The following CAPN11 variants were observed in gnomAD, a reference collection of about 807,000 sequenced individuals.
CAPN11 encodes calpain 11.
A neutral mutation model predicts 105.3 loss-of-function variants in CAPN11; 108 were observed. The observed-to-expected ratio is 1.03, with a 90% CI of 0.88 to 1.20. The LOEUF is 1.20. Ranked by LOEUF, CAPN11 falls within the 50% of genes most tolerant of loss-of-function variation. The probability of loss-of-function intolerance (pLI) is 0.00; values close to 1 mark genes in which losing one functional copy is unlikely to be tolerated. For missense variants in CAPN11, 883 were observed against 924.8 expected (o/e 0.95, Z 0.59); for synonymous variants, 329 against 344.5 (o/e 0.96, Z 0.50).
intron 19 of CAPN11, among the ~76,000 whole-genome samples, chr6:44,182,294 C>T: frequency 7.5e-6 from 1 of 133,802 alleles, no homozygotes; most frequent in African/African-American, 3.5e-5. Flanking sequence ...ACCACACACA[C>T]ACACACACAC....
At chr6:44,172,173 T>C in intron 4 of CAPN11, 129 bp from the exon 5 acceptor site, 1 of 570,556 alleles carries the variant, frequency 1.8e-6, no homozygotes, top group South Asian at 2.3e-5. Context: ...TGAGGGAGGG[T>C]GCCTCTCCGC....
chr6:44,184,040 T>G lies in CAPN11; in HGVS notation c.*108T>G. 6.3e-6 allele frequency: 8 copies of G among 1,269,872 alleles called. No homozygotes were observed. The South Asian group carries it at 6.6e-5, about 10-fold the overall frequency. 78.7% of individuals were successfully genotyped at this position (1,269,872 alleles called of 1,614,324 possible). A position where few individuals can be genotyped will look rare whatever the true frequency, so the allele number is the denominator to read the frequency against. ...CCCTCAGCTCTCCGGTCTCTGCTGA[T>G]GAAATGGGCTCCAGGTGGCAGTGCC... On this transcript the variant is annotated 3_prime_UTR_variant, in exon 23 of 23. Coordinates refer to ENST00000398776, the MANE Select transcript of CAPN11 (RefSeq NM_007058.4).
intron 21 of CAPN11, 50 bp downstream of exon 21, chr6:44,183,285 C>A: frequency 1.6e-6 from 2 of 1,234,552 alleles, no homozygotes; most frequent in Non-Finnish European, 2.4e-6. Context: ...GGCCGCGGGC[C>A]CTTTCCCAAA....
chr6:44,176,789 T>G (rs535202695), intron 10 of CAPN11, 49 bp from the exon 11 acceptor site: 396 of 1,606,726 alleles, frequency 2.5e-4, no homozygotes, highest in Non-Finnish European at 3.2e-4. Flanking sequence ...GAGAGGGAAC[T>G]GAGGATGCAA....
rs1302237536 is a variant in CAPN11, at chr6:44,169,486, C to A, written c.294C>A (p.Gly98=). ...GCTCACTGGGCTTCAAGGACCTGGG[C>A]CCCAACTCCAAAAATGTGCAGAACA... ...EPSSLGFKDL[G]PNSKNVQNIS... is the part of the protein sequence containing the mutation. Residue 98 remains glycine, a synonymous_variant, in exon 3 of 23, where the codon GGC becomes GGA. Transcript: ENST00000398776. 2.5e-6 allele frequency: 4 copies of A among 1,605,280 alleles called. No individual in the cohort carries two copies. Among genetic ancestry groups the A allele is most frequent in the Non-Finnish European group, 2.6e-6 (3 of 1,176,152 alleles).
intron 1 of CAPN11, among the ~76,000 whole-genome samples, chr6:44,164,308 T>C (rs1769426570): frequency 6.6e-6 from 1 of 152,016 alleles, no homozygotes; most frequent in African/African-American, 2.4e-5. Context: ...ACAAAATATA[T>C]AGTATATTGG....
chr6:44,158,932 G>GCTCT, intron 1 of CAPN11, 68 bp downstream of exon 1: 2 of 1,392,636 alleles, frequency 1.4e-6, no homozygotes, highest in Non-Finnish European at 2.0e-6. Context: ...CCCAGGGGAG[G>GCTCT]AGCTGTGTCC....
At position 44,173,279 on chromosome 6, in the gene CAPN11, A is replaced by C. The variant is rs1771331984; in HGVS notation, c.724A>C (p.Thr242Pro). ...GSTMEGLEDF[T>P]GGVAQSFQLQ... ...TACCATGGAGGGCCTTGAGGACTTC[A>C]CAGGAGGCGTGGCCCAGAGCTTCCA... is the stretch of plus-strand genomic sequence containing the variant. Residue 242 changes from threonine to proline, a missense_variant, in exon 7 of 23, where the codon ACA becomes CCA. By Grantham distance (38) the Thr-to-Pro change is conservative. Transcript: ENST00000398776. 1 of 1,613,830 alleles carries C rather than the reference A, an allele frequency of 6.2e-7. No individual in the cohort carries two copies. The highest frequency in any genetic ancestry group is 1.7e-5 in the Admixed American group (1 of 60,002).
chr6:44,182,623 C>T (rs1773969998), intron 19 of CAPN11, among the ~76,000 whole-genome samples: 1 of 152,144 alleles, frequency 6.6e-6, no homozygotes, highest in African/African-American at 2.4e-5. Flanking sequence ...GACGGAATCT[C>T]ACTCTGTTGC....
At chr6:44,166,168 G>A (rs1034168306) in intron 1 of CAPN11, among the ~76,000 whole-genome samples, 8 of 152,138 alleles carry the variant, frequency 5.3e-5, no homozygotes, top group Admixed American at 1.3e-4. Context: ...TGGGGCAGTG[G>A]CAAGAGGAAG....
In CAPN11 at chr6:44,183,169, G is replaced by T. The variant is rs1169872168; in HGVS notation, c.2068G>T (p.Asp690Tyr). ...GCAGGTCCTGGTGGCCAGGTATGCA[G>T]ATGATGACCTGATCATAGACTTTGA... The part of the protein sequence containing the change: ...VMQVLVARYA[D>Y]DDLIIDFDSF... Residue 690 changes from aspartate (D) to tyrosine (Y), a missense_variant, in exon 21 of 23, where the codon GAT (aspartate) becomes TAT (tyrosine). Coordinates refer to ENST00000398776, the MANE Select transcript of CAPN11 (RefSeq NM_007058.4). 2.5e-6 allele frequency: 4 copies of T among 1,613,416 alleles called. No homozygotes were observed. In the East Asian group the frequency reaches 8.9e-5, roughly 36 times the overall value.
At chr6:44,158,986 TCCA>T in intron 1 of CAPN11, 122 bp downstream of exon 1, 1 of 531,890 alleles carries the variant, frequency 1.9e-6, no homozygotes, top group Middle Eastern at 3.3e-4. Context: ...GAGTGACTCT[TCCA>T]TCAGACTGGA....
intron 14 of CAPN11, 37 bp downstream of exon 14, chr6:44,180,200 C>T (rs2128312452): frequency 2.8e-6 from 4 of 1,441,736 alleles, no homozygotes; most frequent in Non-Finnish European, 3.9e-6. Context: ...AGGCCCGCCA[C>T]CCAAGAGCTG....
chr6:44,182,268 A>T (rs1428431250), intron 19 of CAPN11, among the ~76,000 whole-genome samples: 45 of 124,776 alleles, frequency 3.6e-4, no homozygotes, highest in Non-Finnish European at 5.1e-4. Flanking sequence ...ACACACACAC[A>T]TACAGACACA....
At chr6:44,170,081 G>A in intron 4 of CAPN11, 106 bp downstream of exon 4, 1 of 807,602 alleles carries the variant, frequency 1.2e-6, no homozygotes, top group Non-Finnish European at 2.1e-6. Flanking sequence ...AGGTCAGACA[G>A]CCTGCTTCTG....
rs1561855845 is a variant in CAPN11, at chr6:44,182,307, A to ACT, written c.1939-633_1939-632insTC. 2.9e-4 allele frequency among the ~76,000 whole-genome samples: 11 copies of ACT among 38,072 alleles called. No individual in the cohort carries two copies. In the South Asian group the frequency reaches 3.6e-3, roughly 12 times the overall value. The allele number at this position is 38,072 out of a possible 152,430, so 25.0% of individuals were successfully genotyped here. A position where few individuals can be genotyped will look rare whatever the true frequency, so the allele number is the denominator to read the frequency against. ...ACACCACACACACACACACACACAC[A>ACT]CACACTCACATACAGACACAACCAC... On this transcript the variant is annotated intron_variant, in intron 19 of 22. Coordinates refer to ENST00000398776, the MANE Select transcript of CAPN11 (RefSeq NM_007058.4).
intron 12 of CAPN11, among the ~76,000 whole-genome samples, chr6:44,178,580 A>T (rs1003898932): frequency 6.6e-6 from 1 of 152,018 alleles, no homozygotes; most frequent in Non-Finnish European, 1.5e-5. Flanking sequence ...TCTTAGGGCC[A>T]TTAGTCCACC....
At position 44,161,366 on chromosome 6, in the gene CAPN11, A is replaced by G. The variant is rs372217149; in HGVS notation, c.16+2502A>G. 1.7e-4 allele frequency among the ~76,000 whole-genome samples: 26 copies of G among 152,040 alleles called. No individual in the cohort carries two copies. In the South Asian group the frequency reaches 4.4e-3, roughly 26 times the overall value. Reference sequence around the variant, plus strand: ...AGGCATGTGCTACCACACCCAACTCATTTTTGTGTTCTTAGTAGAGACGGG... The same window carrying G: ...AGGCATGTGCTACCACACCCAACTCGTTTTTGTGTTCTTAGTAGAGACGGG... On this transcript the variant is annotated intron_variant, in intron 1 of 22. Coordinates refer to ENST00000398776, the MANE Select transcript of CAPN11 (RefSeq NM_007058.4).
intron 12 of CAPN11, among the ~76,000 whole-genome samples, chr6:44,178,042 G>A (rs764986713): frequency 6.6e-6 from 1 of 151,676 alleles, no homozygotes; most frequent in Non-Finnish European, 1.5e-5. Context: ...CGTAAGATAG[G>A]GTCTCACTAT....
Sources: gnomAD v4.1 joint callset for allele counts (sites outside exome capture counted in the v4.1 genomes callset) on GRCh38, gnomAD v4.1.1 for gene constraint, MANE v1.5 for transcripts, NCBI Gene and HGNC (gene_info 2026-07-23, HGNC 2026-07-21) for gene names.